Variants in VGF observed in about 807,000 individuals in gnomAD.
VGF encodes neurosecretory protein VGF.
In VGF, 13 loss-of-function variants were observed where a neutral mutation model predicts 41.1. The ratio of observed to expected loss-of-function variants is 0.32; its 90% CI spans 0.21 to 0.50. VGF has a LOEUF of 0.50. VGF is among the 20% of genes least tolerant of loss of function. The probability of loss-of-function intolerance (pLI) is 0.98; values close to 1 mark genes in which losing one functional copy is unlikely to be tolerated. For missense variants in VGF, 920 were observed against 882.1 expected (o/e 1.04, Z -0.54); for synonymous variants, 473 against 418.3 (o/e 1.13, Z -1.60).
chr7:101,165,604 G>A (rs1042092893), upstream of VGF: 7 of 985,396 alleles, frequency 7.1e-6, no homozygotes, highest in Non-Finnish European at 7.2e-6. Context: ...CTTATAAAGG[G>A]GAGCGCGCGG....
At chr7:101,164,910 C>T in intron 1 of VGF, 47 bp from the exon 2 acceptor site, 2 of 1,477,932 alleles carry the variant, frequency 1.4e-6, no homozygotes, top group African/African-American at 1.4e-5. Flanking sequence ...GTAAGAATTC[C>T]CCTCTCTAGG....
At position 101,163,536 on chromosome 7, in the gene VGF, C is replaced by G; in HGVS notation, c.1308G>C (p.Glu436Asp). Residue 436 changes from glutamate (E) to aspartate (D), a missense_variant, in exon 2 of 2, where the codon GAG (glutamate) becomes GAC (aspartate). By Grantham distance (45) the Glu-to-Asp change is conservative. Around this residue, in one of 3 missense-constraint regions of VGF, gnomAD observed 654 missense variants for 638.4 expected, o/e 1.02. Coordinates refer to ENST00000249330, the MANE Select transcript of VGF (RefSeq NM_003378.4). The surrounding 1 kb of genome is among the most constrained non-coding windows in gnomAD (Gnocchi z 5.0). ...CGTCGTCCTCCTCCTCCCCGCCCTCCTCTGTCCCCTCGGCCTCCTTCCGCC... is the reference window on the plus strand; with the variant it reads ...CGTCGTCCTCCTCCTCCCCGCCCTCGTCTGTCCCCTCGGCCTCCTTCCGCC... ...GHRRKEAEGT[E>D]EGGEEEDDEE... is the part of the protein sequence containing the mutation. The G allele has an allele frequency of 6.2e-7, 1 of 1,605,226 alleles. No individual in the cohort carries two copies. Among genetic ancestry groups the G allele is most frequent in the Non-Finnish European group, 8.5e-7 (1 of 1,176,078 alleles).
rs1797187185 is a variant in VGF at position 101,164,623 on chromosome 7, A to G, written c.221T>C (p.Phe74Ser). 2 of 1,598,848 alleles carry G rather than the reference A, an allele frequency of 1.3e-6. No individual in the cohort carries two copies. Among genetic ancestry groups the G allele is most frequent in the East Asian group, 4.5e-5 (2 of 44,228 alleles). The change falls in exon 2 of 2, where the codon TTC (phenylalanine) becomes TCC (serine). Residue 74 changes from phenylalanine to serine, a missense_variant. By Grantham distance (155) the Phe-to-Ser change is radical. Coordinates refer to ENST00000249330, the MANE Select transcript of VGF (RefSeq NM_003378.4). ...CAGCGCCCGGGGATCCACGCCCTGG[A>G]AAAGCTCTCCCTCGTCCTGCGGCTC... ...NSEPQDEGELFQGVDPRALAA... is the reference protein window; with the variant it reads ...NSEPQDEGELSQGVDPRALAA...
At chr7:101,167,231 G>T (rs762525950), upstream of VGF, among the ~76,000 whole-genome samples, 1 of 152,140 alleles carries the variant, frequency 6.6e-6, no homozygotes, top group South Asian at 2.1e-4. This position sits in a 1 kb window ranked among gnomAD's most constrained non-coding sequence, Gnocchi z 4.2. Flanking sequence ...AGCTCTGCGG[G>T]GAAAGAAATG....
chr7:101,168,331 CTG>C (rs1584215988), upstream of VGF, among the ~76,000 whole-genome samples: 1 of 152,262 alleles, frequency 6.6e-6, no homozygotes, highest in Non-Finnish European at 1.5e-5. Context: ...GGTCTTGACT[CTG>C]TCTGCATGGT....
rs988969462 is a variant in VGF at position 101,163,137 on chromosome 7, G to A, written c.1707C>T (p.Ala569=). ...CGGGATAGTGGCGCGAAGGCGGCAA[G>A]GCGTGGTGGTAGTGGCGGCGGCGCA... ...SALRRRHYHH[A]LPPSRHYPGR... is the part of the protein sequence containing the mutation. The change falls in exon 2 of 2, where the codon GCC becomes GCT. Residue 569 remains alanine, a synonymous_variant. Coordinates refer to ENST00000249330, the MANE Select transcript of VGF (RefSeq NM_003378.4). The surrounding 1 kb of genome is among the most constrained non-coding windows in gnomAD (Gnocchi z 5.0). 1.9e-6 allele frequency: 3 copies of A among 1,585,684 alleles called. No individual in the cohort carries two copies. The highest frequency in any genetic ancestry group is 2.6e-6 in the Non-Finnish European group (3 of 1,169,346).
chr7:101,165,181 G>A (rs562721419), intron 1 of VGF, 193 bp downstream of exon 1: 129 of 1,042,832 alleles, frequency 1.2e-4, no homozygotes, highest in East Asian at 2.9e-4. Flanking sequence ...CTCCCTCCCC[G>A]TAGGACTCCC....
In VGF at chr7:101,162,842, G is replaced by A. The variant is rs980344767; in HGVS notation, c.*154C>T. The A allele has an allele frequency of 6.0e-6, 4 of 671,016 alleles. No individual in the cohort carries two copies. Among genetic ancestry groups the A allele is most frequent in the African/African-American group, 5.4e-5 (3 of 55,080 alleles). The allele number at this position is 671,016 out of a possible 1,614,324, so 41.6% of individuals were successfully genotyped here. ...TTCGGGCTCAGGACCCGGGAGGGGG[G>A]TCTGGCAGGTCCCGACGCAGCCCGG... On this transcript the variant is annotated 3_prime_UTR_variant, in exon 2 of 2. Transcript: ENST00000249330. The surrounding 1 kb of genome is among the most constrained non-coding windows in gnomAD (Gnocchi z 4.2).
chr7:101,163,219 G>T lies in VGF; in HGVS notation c.1625C>A (p.Pro542Gln), dbSNP rs551062770. ...GATGTAGTTGGGGAAAGGGTGGTAC[G>T]GCCCTGGCGGGTACACCTCGTCCTC... Reference protein sequence around the residue: ...REEDEVYPPGPYHPFPNYIRP... With the variant: ...REEDEVYPPGQYHPFPNYIRP... Residue 542 changes from proline to glutamine, a missense_variant, in exon 2 of 2, where the codon CCG becomes CAG. Pro to Gln is a moderately conservative substitution (Grantham distance 76). Transcript: ENST00000249330. This position sits in a 1 kb window ranked among gnomAD's most constrained non-coding sequence, Gnocchi z 5.0. 2.7e-5 allele frequency: 42 copies of T among 1,533,340 alleles called. No individual in the cohort carries two copies. In the South Asian group the frequency reaches 5.2e-4, roughly 19 times the overall value. The allele number at this position is 1,533,340 out of a possible 1,614,324, so 95.0% of individuals were successfully genotyped here.
chr7:101,169,052 G>C (rs768253953), upstream of VGF, among the ~76,000 whole-genome samples: 56 of 152,256 alleles, frequency 3.7e-4, no homozygotes, highest in Admixed American at 9.8e-4. Flanking sequence ...TCCTGGGGAA[G>C]GGACTGAGGG....
Position 101,162,895 on chromosome 7 carries a change from C to A in VGF, c.*101G>T. On this transcript the variant is annotated 3_prime_UTR_variant, in exon 2 of 2. Transcript: ENST00000249330. The surrounding 1 kb of genome is among the most constrained non-coding windows in gnomAD (Gnocchi z 4.2). Reference sequence around the variant, plus strand: ...ACAGGGGCAGGGCCAAGGGGCAGGGCCGGGGCGCATGCAAACACCGAGGGG... The same window carrying A: ...ACAGGGGCAGGGCCAAGGGGCAGGGACGGGGCGCATGCAAACACCGAGGGG... 2 of 699,114 alleles carry A rather than the reference C, an allele frequency of 2.9e-6. No homozygotes were observed. The highest frequency in any genetic ancestry group is 1.8e-5 in the South Asian group (1 of 56,082). 43.3% of individuals were successfully genotyped at this position (699,114 alleles called of 1,614,324 possible). A position where few individuals can be genotyped will look rare whatever the true frequency, so the allele number is the denominator to read the frequency against.
chr7:101,163,648 C>T lies in VGF; in HGVS notation c.1196G>A (p.Arg399Gln), dbSNP rs1433845503. ...EAEAEEAERA[R>Q]QNALLFAEEE... The stretch of plus-strand genomic sequence containing the variant: ...CTCCGCGAACAGGAGCGCGTTCTGC[C>T]GCGCCCTCTCCGCCTCCTCCGCCTC... The change falls in exon 2 of 2, where the codon CGG becomes CAG. Residue 399 changes from arginine to glutamine, a missense_variant. This residue lies in a region of VGF where 654 missense variants were observed against 638.4 expected (regional missense o/e 1.02). Transcript: ENST00000249330. This position sits in a 1 kb window ranked among gnomAD's most constrained non-coding sequence, Gnocchi z 5.0. 6.5e-7 allele frequency: 1 copy of T among 1,541,654 alleles called. No individual in the cohort carries two copies. Among genetic ancestry groups the T allele is most frequent in the Non-Finnish European group, 8.7e-7 (1 of 1,147,850 alleles).
chr7:101,165,534 C>T lies in VGF; in HGVS notation c.-181G>A. The T allele has an allele frequency of 5.1e-6, 5 of 985,452 alleles. No homozygotes were observed. Among genetic ancestry groups the T allele is most frequent in the Non-Finnish European group, 6.0e-6 (5 of 829,948 alleles). The allele number at this position is 985,452 out of a possible 1,614,324, so 61.0% of individuals were successfully genotyped here. On this transcript the variant is annotated 5_prime_UTR_variant, in exon 1 of 2. Coordinates refer to ENST00000249330, the MANE Select transcript of VGF (RefSeq NM_003378.4). Reference sequence around the variant, plus strand: ...GCTGGGCTCAGCTGGGTCGGCGCGGCTCCGGGCGGCTAGCTCGCTCCGGCT... The same window carrying T: ...GCTGGGCTCAGCTGGGTCGGCGCGGTTCCGGGCGGCTAGCTCGCTCCGGCT...
chr7:101,164,652 A>T lies in VGF; in HGVS notation c.192T>A (p.Asn64Lys). 6.3e-7 allele frequency: 1 copy of T among 1,593,590 alleles called. No homozygotes were observed. Among genetic ancestry groups the T allele is most frequent in the Non-Finnish European group, 8.5e-7 (1 of 1,170,312 alleles). ...GSAPEVRGAR[N>K]SEPQDEGELF... ...GCTCTCCCTCGTCCTGCGGCTCGGA[A>T]TTCCGAGCGCCTCGGACCTCTGGGG... The change falls in exon 2 of 2, where the codon AAT becomes AAA. Residue 64 changes from asparagine to lysine, a missense_variant. Coordinates refer to ENST00000249330, the MANE Select transcript of VGF (RefSeq NM_003378.4).
At chr7:101,166,711 A>C (rs1380800506), upstream of VGF, among the ~76,000 whole-genome samples, 1 of 133,432 alleles carries the variant, frequency 7.5e-6, no homozygotes, top group Non-Finnish European at 1.6e-5. Context: ...TGACGCACAG[A>C]TTTGCGCAAA....
chr7:101,164,323 G>A lies in VGF; in HGVS notation c.521C>T (p.Ala174Val), dbSNP rs1274286670. ...TGCCGCCGTCTCCTGCTGGCGCTTG[G>A]CGCTACTTGGACTGAAATCTCGCAG... is the stretch of plus-strand genomic sequence containing the variant. The part of the protein sequence containing the change: ...QELRDFSPSS[A>V]KRQQETAAAE... The change falls in exon 2 of 2, where the codon GCC becomes GTC. Residue 174 changes from alanine to valine, a missense_variant. Coordinates refer to ENST00000249330, the MANE Select transcript of VGF (RefSeq NM_003378.4). 6.2e-7 allele frequency: 1 copy of A among 1,611,032 alleles called. No individual in the cohort carries two copies. Among genetic ancestry groups the A allele is most frequent in the Non-Finnish European group, 8.5e-7 (1 of 1,179,904 alleles).
In VGF at chr7:101,162,913, C is replaced by A; in HGVS notation, c.*83G>T. 1.4e-6 allele frequency: 1 copy of A among 728,756 alleles called. No individual in the cohort carries two copies. Among genetic ancestry groups the A allele is most frequent in the Non-Finnish European group, 2.0e-6 (1 of 493,332 alleles). 45.1% of individuals were successfully genotyped at this position (728,756 alleles called of 1,614,324 possible). ...GGCAGGGCCGGGGCGCATGCAAACA[C>A]CGAGGGGGAGCGGGCAACACGGAGG... On this transcript the variant is annotated 3_prime_UTR_variant, in exon 2 of 2. Coordinates refer to ENST00000249330, the MANE Select transcript of VGF (RefSeq NM_003378.4). This position sits in a 1 kb window ranked among gnomAD's most constrained non-coding sequence, Gnocchi z 4.2.
chr7:101,166,519 G>GGC (rs1013877044), upstream of VGF, among the ~76,000 whole-genome samples: 2 of 150,288 alleles, frequency 1.3e-5, no homozygotes, highest in African/African-American at 2.5e-5. Context: ...CGCAGGTGGG[G>GGC]GGGGGGTGAC....
In VGF at chr7:101,164,398, G is replaced by T; in HGVS notation, c.446C>A (p.Ala149Glu). The T allele has an allele frequency of 3.7e-6, 6 of 1,610,948 alleles. No individual in the cohort carries two copies. Among genetic ancestry groups the T allele is most frequent in the East Asian group, 2.2e-5 (1 of 44,838 alleles). The change falls in exon 2 of 2, where the codon GCG becomes GAG. Residue 149 changes from alanine (A) to glutamate (E), a missense_variant. Coordinates refer to ENST00000249330, the MANE Select transcript of VGF (RefSeq NM_003378.4). ...CTCGAGCTCCTCGGAGGGATCGCTC[G>T]CCTCGGGCCCATTCTCCGGAGTCTG... ...RPQTPENGPE[A>E]SDPSEELEAL...
Sources: gnomAD v4.1 joint callset for allele counts (sites outside exome capture counted in the v4.1 genomes callset) on GRCh38, gnomAD v4.1.1 for gene constraint, gnomAD v4.1.1 regional missense constraint, Gnocchi (gnomAD v3.1) non-coding constraint, MANE v1.5 for transcripts, NCBI Gene and HGNC (gene_info 2026-07-23, HGNC 2026-07-21) for gene names.